The following POLR3A variants were observed in gnomAD, a reference collection of about 807,000 sequenced individuals.
The protein encoded by POLR3A is DNA-directed RNA polymerase III subunit RPC1.
POLR3A carries 112 observed loss-of-function variants against 152.8 expected under a neutral mutation model. The observed-to-expected ratio is 0.73, with a 90% CI of 0.63 to 0.86. The LOEUF (loss-of-function observed/expected upper bound fraction) is 0.86, where lower values mean the gene tolerates loss of function less well. Among genes scored for constraint, POLR3A ranks in the 40% least tolerant of loss-of-function variants. POLR3A has a pLI of 0.00. For missense variants in POLR3A, 1,385 were observed against 1,743.1 expected (o/e 0.79, Z 3.66); for synonymous variants, 615 against 652.1 (o/e 0.94, Z 0.87).
At chr10:77,984,588 C>T (rs551439299) in intron 24 of POLR3A, among the ~76,000 whole-genome samples, 5 of 152,272 alleles carry the variant, frequency 3.3e-5, no homozygotes, top group South Asian at 2.1e-4. Flanking sequence ...GTGATCTGCC[C>T]GCCTCAGCCT....
intron 29 of POLR3A, 27 bp downstream of exon 29, chr10:77,981,401 C>A (rs1316418237): frequency 6.2e-7 from 1 of 1,612,716 alleles, no homozygotes; most frequent in African/African-American, 1.3e-5. Flanking sequence ...GATGCCCAGG[C>A]AGCCCGGGGG....
Position 78,007,709 on chromosome 10 carries a change from G to A in POLR3A, c.2067C>T (p.Val689=). 1 of 1,613,588 alleles carries A rather than the reference G, an allele frequency of 6.2e-7. No individual in the cohort carries two copies. The highest frequency in any genetic ancestry group is 1.1e-5 in the South Asian group (1 of 91,066). The change falls in exon 15 of 31, where the codon GTC becomes GTT. Residue 689 remains valine (V), a synonymous_variant. Transcript: ENST00000372371. The part of the protein sequence containing the change: ...AMSRLARLAP[V]YLSNRGFSIG... Reference sequence around the variant, plus strand: ...GGATGCTGAGATACTTACACAGGTAGACAGGAGCCAGCCTGGCGAGCCGTG... The same window carrying A: ...GGATGCTGAGATACTTACACAGGTAAACAGGAGCCAGCCTGGCGAGCCGTG...
intron 19 of POLR3A, among the ~76,000 whole-genome samples, chr10:77,994,032 C>G (rs1847273902): frequency 6.6e-6 from 1 of 152,158 alleles, no homozygotes; most frequent in South Asian, 2.1e-4. Flanking sequence ...ACTGCTCTGG[C>G]AAAGTCATAC....
At chr10:78,017,446 C>CAAAAA in intron 10 of POLR3A, 129 bp downstream of exon 10, 1 of 763,164 alleles carries the variant, frequency 1.3e-6, no homozygotes, top group Non-Finnish European at 2.0e-6. Flanking sequence ...GAGCCTGTCT[C>CAAAAA]AAAAAAAAAA....
intron 21 of POLR3A, among the ~76,000 whole-genome samples, chr10:77,990,219 AAAAC>A (rs1228415127): frequency 6.6e-6 from 1 of 152,224 alleles, no homozygotes; most frequent in Non-Finnish European, 1.5e-5. Flanking sequence ...AAAAAAACAA[AAAAC>A]AAACGAACCA....
At chr10:78,016,776 G>A (rs1466288374) in intron 10 of POLR3A, among the ~76,000 whole-genome samples, 1 of 150,506 alleles carries the variant, frequency 6.6e-6, no homozygotes, top group African/African-American at 2.5e-5. Flanking sequence ...ACGGTAGGCT[G>A]AGGTGGGAGG....
chr10:78,016,376 C>G (rs1441659730), intron 10 of POLR3A, among the ~76,000 whole-genome samples: 1 of 145,716 alleles, frequency 6.9e-6, no homozygotes, highest in Non-Finnish European at 1.5e-5. Context: ...TGCGACCCAT[C>G]TGGGCAATAC....
chr10:78,005,491 C>T (rs905974033), intron 15 of POLR3A, among the ~76,000 whole-genome samples: 1 of 152,324 alleles, frequency 6.6e-6, no homozygotes, highest in Middle Eastern at 3.4e-3. Context: ...AACTAGGTGC[C>T]ACCATTGATC....
chr10:78,002,865 A>G (rs1195614797), intron 16 of POLR3A, among the ~76,000 whole-genome samples: 2 of 152,202 alleles, frequency 1.3e-5, no homozygotes, highest in Admixed American at 1.3e-4. Context: ...TAAATGGCCC[A>G]TAAGGTAGAA....
chr10:78,026,296 T>G lies in POLR3A; in HGVS notation c.45-67A>C, dbSNP rs190032241. 3.9e-6 allele frequency: 6 copies of G among 1,544,450 alleles called. No individual in the cohort carries two copies. In the African/African-American group the frequency reaches 8.1e-5, roughly 21 times the overall value. ...TGACCAAAAATGTCTATTACATACA[T>G]AGCCCACCATAACCAACCTATCCTT... On this transcript the variant is annotated intron_variant, in intron 1 of 30. Transcript: ENST00000372371.
chr10:78,002,178 G>A lies in POLR3A; in HGVS notation c.2359+19C>T. The A allele has an allele frequency of 1.3e-6, 2 of 1,498,128 alleles. No homozygotes were observed. The highest frequency in any genetic ancestry group is 1.2e-5 in the South Asian group (1 of 83,670). 92.8% of individuals were successfully genotyped at this position (1,498,128 alleles called of 1,614,324 possible). ...TACGGAGAACACACTGCCAGCAGGT[G>A]AGAGAGGGGCATGCAGACCTTTGGA... On this transcript the variant is annotated intron_variant, in intron 17 of 30. Coordinates refer to ENST00000372371, the MANE Select transcript of POLR3A (RefSeq NM_007055.4).
intron 16 of POLR3A, among the ~76,000 whole-genome samples, chr10:78,002,656 T>C (rs1273857762): frequency 6.6e-6 from 1 of 152,134 alleles, no homozygotes; most frequent in African/African-American, 2.4e-5. Context: ...CCCAGACCCC[T>C]GAGTAGCTAG....
intron 18 of POLR3A, 92 bp from the exon 19 acceptor site, chr10:78,000,210 G>A: frequency 9.1e-7 from 1 of 1,104,278 alleles, no homozygotes; most frequent in Non-Finnish European, 1.4e-6. Context: ...GCCCCACCTT[G>A]AGACTATAAA....
chr10:77,982,259 A>G lies in POLR3A; in HGVS notation c.3654T>C (p.Ser1218=). The G allele has an allele frequency of 6.2e-7, 1 of 1,613,228 alleles. No homozygotes were observed. The highest frequency in any genetic ancestry group is 8.5e-7 in the Non-Finnish European group (1 of 1,179,778). ...CCAGAAGCTTGTACTTCTCCTTTCCACTCTGCTCGTCAATGTGGATGACAG... is the reference window on the plus strand; with the variant it reads ...CCAGAAGCTTGTACTTCTCCTTTCCGCTCTGCTCGTCAATGTGGATGACAG... ...SRAVIHIDEQ[S]GKEKYKLLVE... Residue 1218 remains serine, a synonymous_variant, in exon 28 of 31, where the codon AGT becomes AGC. Transcript: ENST00000372371.
At chr10:78,025,508 T>C (rs1055923378) in intron 3 of POLR3A, 114 bp downstream of exon 3, 10 of 987,888 alleles carry the variant, frequency 1.0e-5, no homozygotes, top group Non-Finnish European at 1.6e-5. Context: ...GTACTTAGTA[T>C]AAAAGAGTCC....
chr10:78,029,278 T>A, intron 1 of POLR3A, 86 bp downstream of exon 1: 2 of 1,370,410 alleles, frequency 1.5e-6, no homozygotes, highest in South Asian at 2.3e-5. Flanking sequence ...TTGCACCCCA[T>A]CTCTGACCCT....
chr10:77,985,410 G>A, intron 23 of POLR3A, 70 bp from the exon 24 acceptor site: 1 of 1,207,334 alleles, frequency 8.3e-7, no homozygotes, highest in Admixed American at 1.7e-5. Flanking sequence ...CTGGGGAGAG[G>A]CTTCTGGTTA....
rs1288907246 is a variant in POLR3A, at chr10:77,982,235, C to G, written c.3678G>C (p.Leu1226=). ...EQSGKEKYKL[L]VEGDNLRAVM... is the part of the protein sequence containing the mutation. Reference sequence around the variant, plus strand: ...CTGCCCGCAGGTTATCACCTTCCACCAGAAGCTTGTACTTCTCCTTTCCAC... The same window carrying G: ...CTGCCCGCAGGTTATCACCTTCCACGAGAAGCTTGTACTTCTCCTTTCCAC... The change falls in exon 28 of 31, where the codon CTG becomes CTC. Residue 1226 remains leucine, a synonymous_variant. Coordinates refer to ENST00000372371, the MANE Select transcript of POLR3A (RefSeq NM_007055.4). 1 of 1,613,880 alleles carries G rather than the reference C, an allele frequency of 6.2e-7. No homozygotes were observed. Among genetic ancestry groups the G allele is most frequent in the South Asian group, 1.1e-5 (1 of 91,058 alleles).
intron 21 of POLR3A, among the ~76,000 whole-genome samples, chr10:77,990,209 A>C (rs1847234731): frequency 6.6e-6 from 1 of 152,172 alleles, no homozygotes; most frequent in South Asian, 2.1e-4. Flanking sequence ...GAACCATAAA[A>C]AAAAAACAAA....
Sources: gnomAD v4.1 joint callset for allele counts (sites outside exome capture counted in the v4.1 genomes callset) on GRCh38, gnomAD v4.1.1 for gene constraint, MANE v1.5 for transcripts, NCBI Gene and HGNC (gene_info 2026-07-23, HGNC 2026-07-21) for gene names.